Variants in SUGCT observed in about 807,000 individuals in gnomAD.
SUGCT encodes the protein succinyl-CoA:glutarate-CoA transferase.
SUGCT carries 41 observed loss-of-function variants against 55.0 expected under a neutral mutation model. The ratio of observed to expected loss-of-function variants is 0.74; its 90% CI spans 0.58 to 0.97. SUGCT has a LOEUF of 0.97. Among genes scored for constraint, SUGCT ranks in the 50% least tolerant of loss-of-function variants. SUGCT has a pLI of 0.00. For missense variants in SUGCT, 568 were observed against 547.8 expected, an observed-to-expected ratio of 1.04 and a Z score of -0.37; for synonymous variants, 187 against 200.4, an observed-to-expected ratio of 0.93 and a Z score of 0.56.
intron 8 of SUGCT, among the ~76,000 whole-genome samples, chr7:40,303,357 A>T (rs1372389011): frequency 6.6e-6 from 1 of 152,074 alleles, no homozygotes; most frequent in Non-Finnish European, 1.5e-5. Context: ...CTATAAAGTA[A>T]ATTCACATTT....
At chr7:40,897,458 CACACAT>C in the SUGCT span, among the ~76,000 whole-genome samples, 1 of 143,310 alleles carries the variant, frequency 7.0e-6, no homozygotes, top group Non-Finnish European at 1.5e-5. Flanking sequence ...CACACACACA[CACACAT>C]TTGGTATATT....
chr7:40,941,075 T>C, the SUGCT span, among the ~76,000 whole-genome samples: 1 of 152,152 alleles, frequency 6.6e-6, no homozygotes, highest in African/African-American at 2.4e-5. Context: ...AGGGTTTTTA[T>C]CTTAAAGGGA....
intron 13 of SUGCT, among the ~76,000 whole-genome samples, chr7:40,829,591 C>CA (rs1055620098): frequency 2.6e-5 from 4 of 151,746 alleles, no homozygotes; most frequent in African/African-American, 7.3e-5. Context: ...AAAGCAGTAA[C>CA]AAAAAAAAGG....
At chr7:40,258,257 C>T (rs1459311026) in intron 7 of SUGCT, among the ~76,000 whole-genome samples, 1 of 152,184 alleles carries the variant, frequency 6.6e-6, no homozygotes, top group Non-Finnish European at 1.5e-5. Context: ...TATTTAACAC[C>T]TTTATTGAAC....
At chr7:40,734,433 C>T (rs1480345067) in intron 12 of SUGCT, among the ~76,000 whole-genome samples, 1 of 152,202 alleles carries the variant, frequency 6.6e-6, no homozygotes, top group Admixed American at 6.5e-5. Context: ...TTTACCTCCT[C>T]AGATCTGTGT....
At chr7:41,002,290 G>A in the SUGCT span, among the ~76,000 whole-genome samples, 1 of 152,114 alleles carries the variant, frequency 6.6e-6, no homozygotes, top group Non-Finnish European at 1.5e-5. Context: ...CAAAGTGCTG[G>A]GATTACAGGC....
intron 12 of SUGCT, among the ~76,000 whole-genome samples, chr7:40,690,911 G>T (rs967786281): frequency 6.6e-6 from 1 of 152,040 alleles, no homozygotes; most frequent in Non-Finnish European, 1.5e-5. Context: ...ATCTTAGGAG[G>T]ACCTAAAGGT....
intron 12 of SUGCT, among the ~76,000 whole-genome samples, chr7:40,631,183 G>A (rs2151809430): frequency 6.6e-6 from 1 of 152,202 alleles, no homozygotes; most frequent in South Asian, 2.1e-4. Flanking sequence ...ACTCTATTGT[G>A]GCATAAATGT....
the SUGCT span, among the ~76,000 whole-genome samples, chr7:40,963,387 AGCAAAT>A: frequency 3.3e-5 from 5 of 152,190 alleles, no homozygotes; most frequent in African/African-American, 1.2e-4. Flanking sequence ...TTCCCAATGC[AGCAAAT>A]GCATTGTCTA....
intron 13 of SUGCT, among the ~76,000 whole-genome samples, chr7:40,801,676 G>A (rs544678581): frequency 6.6e-6 from 1 of 152,222 alleles, no homozygotes; most frequent in South Asian, 2.1e-4. Flanking sequence ...GTATTTTCTA[G>A]AAATAAGTTC....
chr7:40,413,064 C>T lies in SUGCT; in HGVS notation c.817-36223C>T, dbSNP rs368191223. 4.5e-4 allele frequency among the ~76,000 whole-genome samples: 69 copies of T among 152,190 alleles called. 1 individual carries two copies. The South Asian group carries it at 0.013, about 30-fold the overall frequency. On this transcript the variant is annotated intron_variant, in intron 9 of 13. Transcript: ENST00000335693. ...CGATCTTGTATTTGCCCAAAAATAA[C>T]ATGGATGGTTTGTTTCTGTATCTCC...
intron 12 of SUGCT, among the ~76,000 whole-genome samples, chr7:40,563,938 A>T (rs1795985575): frequency 6.6e-6 from 1 of 152,178 alleles, no homozygotes. Context: ...CGAGGAGACA[A>T]ATACAGATAT....
At chr7:40,227,187 C>T (rs962404664) in intron 6 of SUGCT, among the ~76,000 whole-genome samples, 7 of 151,478 alleles carry the variant, frequency 4.6e-5, no homozygotes, top group African/African-American at 1.5e-4. Context: ...GCTGAGACTA[C>T]AGGCACCCGC....
At chr7:40,946,052 C>T in the SUGCT span, among the ~76,000 whole-genome samples, 3 of 151,832 alleles carry the variant, frequency 2.0e-5, no homozygotes, top group Non-Finnish European at 2.9e-5. Flanking sequence ...GACTCAGAAC[C>T]TTCTGGTTAG....
At chr7:40,214,890 G>T (rs978102307) in intron 6 of SUGCT, among the ~76,000 whole-genome samples, 5 of 151,714 alleles carry the variant, frequency 3.3e-5, no homozygotes, top group Non-Finnish European at 5.9e-5. Context: ...CTCCAGCCTG[G>T]GCAACAGAGT....
At chr7:40,212,473 A>T (rs1787395371) in intron 6 of SUGCT, among the ~76,000 whole-genome samples, 1 of 152,136 alleles carries the variant, frequency 6.6e-6, no homozygotes, top group Non-Finnish European at 1.5e-5. Context: ...CACATTATAT[A>T]TAAGAGAAAA....
At chr7:40,738,112 G>A (rs999816273) in intron 12 of SUGCT, among the ~76,000 whole-genome samples, 4 of 149,276 alleles carry the variant, frequency 2.7e-5, no homozygotes, top group East Asian at 2.0e-4. Flanking sequence ...CAGGAGAATC[G>A]CTTGAACTAG....
chr7:40,585,539 ATTACT>A (rs1797328806), intron 12 of SUGCT, among the ~76,000 whole-genome samples: 2 of 151,998 alleles, frequency 1.3e-5, no homozygotes, highest in Admixed American at 1.3e-4. Flanking sequence ...CTCCCTGACA[ATTACT>A]TTATTTTTTG....
chr7:40,434,025 G>C (rs1357434107), intron 9 of SUGCT, among the ~76,000 whole-genome samples: 1 of 152,162 alleles, frequency 6.6e-6, no homozygotes, highest in Non-Finnish European at 1.5e-5. Flanking sequence ...TGGTTTTAGA[G>C]ATCTGGAAAT....
Sources: allele counts gnomAD v4.1 joint callset (sites outside exome capture counted in the v4.1 genomes callset), GRCh38; gene constraint gnomAD v4.1.1; transcripts MANE v1.5; gene names NCBI Gene and HGNC (gene_info 2026-07-23, HGNC 2026-07-21).